UGT1A9: variants seen among roughly 807,000 people sequenced by gnomAD.
The protein encoded by UGT1A9 is UDP glucuronosyltransferase family 1 member A9, also known as UDP-glucuronosyltransferase 1A9.
A neutral mutation model predicts 45.0 loss-of-function variants in UGT1A9; 35 were observed. The ratio of observed to expected loss-of-function variants is 0.78; its 90% CI spans 0.59 to 1.03. The LOEUF is 1.03. Among genes scored for constraint, UGT1A9 ranks in the 50% least tolerant of loss-of-function variants. UGT1A9 has a pLI of 0.00. For synonymous variants in UGT1A9, 278 were observed against 250.6 expected (o/e 1.11, Z -1.03); for missense variants, 687 against 666.6 (o/e 1.03, Z -0.34).
intron 1 of UGT1A9, among the ~76,000 whole-genome samples, chr2:233,701,053 A>C (rs1168383936): frequency 3.3e-5 from 5 of 152,162 alleles, no homozygotes; most frequent in South Asian, 2.1e-4. Flanking sequence ...ATGAACTCAT[A>C]ATTTTTTATG....
At chr2:233,719,417 G>A (rs368434736) in intron 1 of UGT1A9, 88 of 1,613,876 alleles carry the variant, frequency 5.5e-5, no homozygotes, top group South Asian at 3.5e-4. Flanking sequence ...AGTTACTAAC[G>A]ACCAATTCAG....
chr2:233,723,591 A>C (rs1372709718), intron 1 of UGT1A9, among the ~76,000 whole-genome samples: 1 of 104,916 alleles, frequency 9.5e-6, no homozygotes, highest in Non-Finnish European at 1.8e-5. Context: ...GGGATTTGGC[A>C]GGGTCATGGG....
At chr2:233,734,495 T>C (rs541063425) in intron 1 of UGT1A9, among the ~76,000 whole-genome samples, 38 of 152,346 alleles carry the variant, frequency 2.5e-4, no homozygotes, top group African/African-American at 9.1e-4. Flanking sequence ...TTGAAGGTTT[T>C]TTTGTGTCTC....
chr2:233,754,653 C>A, intron 1 of UGT1A9: 1 of 456,442 alleles, frequency 2.2e-6, no homozygotes, highest in Non-Finnish European at 4.4e-6. Flanking sequence ...CTCAATGATT[C>A]TCTTGGTGGT....
chr2:233,729,864 G>A (rs567615944), intron 1 of UGT1A9: 25 of 1,613,784 alleles, frequency 1.5e-5, no homozygotes, highest in African/African-American at 2.7e-5. Flanking sequence ...TGTCAGTGGT[G>A]GATATTCTCA....
intron 1 of UGT1A9, chr2:233,760,915 G>A (rs758093591): frequency 5.6e-6 from 9 of 1,614,180 alleles, no homozygotes; most frequent in Non-Finnish European, 7.6e-6. Flanking sequence ...CCTGCAGCGG[G>A]TGAAGAACAT....
chr2:233,739,022 G>C (rs1690964112), intron 1 of UGT1A9: 1 of 152,290 alleles, frequency 6.6e-6, no homozygotes, highest in Non-Finnish European at 1.5e-5. Flanking sequence ...TCCAGCCATG[G>C]CTAAAAGGGG....
chr2:233,755,122 C>T, intron 1 of UGT1A9: 1 of 1,328,086 alleles, frequency 7.5e-7, no homozygotes, highest in Non-Finnish European at 1.0e-6. Flanking sequence ...TAGGCCTCAG[C>T]CACCTGCTTG....
intron 1 of UGT1A9, among the ~76,000 whole-genome samples, chr2:233,765,193 A>G (rs1229079097): frequency 6.6e-6 from 1 of 152,214 alleles, no homozygotes; most frequent in Non-Finnish European, 1.5e-5. Flanking sequence ...TCACACAATC[A>G]TATTAGTGCC....
chr2:233,750,979 T>C (rs1345929720), intron 1 of UGT1A9, among the ~76,000 whole-genome samples: 3 of 151,782 alleles, frequency 2.0e-5, no homozygotes, highest in Admixed American at 6.5e-5. Context: ...AGTGGAGTTG[T>C]GAGAAGGCGG....
intron 1 of UGT1A9, among the ~76,000 whole-genome samples, chr2:233,724,129 T>A (rs2077172457): frequency 8.6e-6 from 1 of 116,454 alleles, no homozygotes. Context: ...GCCCCTCACC[T>A]CCCGGACGGG....
intron 1 of UGT1A9, chr2:233,754,665 A>AT (rs752229414): frequency 4.5e-5 from 21 of 465,290 alleles, no homozygotes; most frequent in South Asian, 1.9e-4. Flanking sequence ...CTTGGTGGTG[A>AT]TTTTTTTACC....
intron 1 of UGT1A9, among the ~76,000 whole-genome samples, chr2:233,685,161 A>T (rs1381335306): frequency 6.6e-6 from 1 of 152,142 alleles, no homozygotes; most frequent in African/African-American, 2.4e-5. Flanking sequence ...TTTAACAAGG[A>T]TGGTAGATCA....
chr2:233,689,779 G>A (rs1436002250), intron 1 of UGT1A9: 1 of 399,280 alleles, frequency 2.5e-6, no homozygotes, highest in Non-Finnish European at 4.9e-6. Context: ...GGGGACATAT[G>A]TTATGATGTG....
At chr2:233,709,750 T>G (rs1304861881) in intron 1 of UGT1A9, among the ~76,000 whole-genome samples, 1 of 152,206 alleles carries the variant, frequency 6.6e-6, no homozygotes, top group African/African-American at 2.4e-5. Context: ...AAAATAAACA[T>G]TATTGGAGTA....
intron 1 of UGT1A9, among the ~76,000 whole-genome samples, chr2:233,749,048 G>A (rs971620112): frequency 1.8e-4 from 27 of 151,634 alleles, no homozygotes; most frequent in African/African-American, 6.3e-4. Context: ...GTGGTACTCT[G>A]GGACCTGAAT....
At chr2:233,699,324 G>C (rs2075498732) in intron 1 of UGT1A9, among the ~76,000 whole-genome samples, 1 of 152,040 alleles carries the variant, frequency 6.6e-6, no homozygotes, top group Non-Finnish European at 1.5e-5. Context: ...CTATTTTGTT[G>C]AGTTTCATCC....
At chr2:233,714,222 C>T (rs2076374156) in intron 1 of UGT1A9, among the ~76,000 whole-genome samples, 1 of 152,096 alleles carries the variant, frequency 6.6e-6, no homozygotes, top group East Asian at 1.9e-4. Flanking sequence ...ATCTTGCTGG[C>T]AAGATTTTCA....
In UGT1A9 at chr2:233,675,025, G is replaced by A. The variant is rs368693453; in HGVS notation, c.855+2236G>A. 4.9e-4 allele frequency among the ~76,000 whole-genome samples: 75 copies of A among 152,298 alleles called. No homozygotes were observed. The South Asian group carries it at 0.015, about 31-fold the overall frequency. On this transcript the variant is annotated intron_variant, in intron 1 of 4. Transcript: ENST00000354728. ...GAAGCATTACTTGATGATGGAGTAT[G>A]TGTTTGCACATGTATGTGTTTGTGT...
Sources: gnomAD v4.1 joint callset for allele counts (sites outside exome capture counted in the v4.1 genomes callset) on GRCh38, gnomAD v4.1.1 for gene constraint, MANE v1.5 for transcripts, NCBI Gene and HGNC (gene_info 2026-07-23, HGNC 2026-07-21) for gene names.